Variants in FIP1L1 observed in about 807,000 individuals in gnomAD.
The protein encoded by FIP1L1 is pre-mRNA 3'-end-processing factor FIP1.
In FIP1L1, 21 loss-of-function variants were observed where a neutral mutation model predicts 84.6. The observed-to-expected ratio is 0.25, with a 90% CI of 0.18 to 0.36. The LOEUF is 0.36. Among genes scored for constraint, FIP1L1 ranks in the 10% least tolerant of loss-of-function variants. The pLI is 1.00. For missense variants in FIP1L1, 526 were observed against 751.1 expected, an observed-to-expected ratio of 0.70 and a Z score of 3.50; for synonymous variants, 263 against 242.3, an observed-to-expected ratio of 1.09 and a Z score of -0.80.
At chr4:53,387,520 T>C (rs1339925348) in intron 5 of FIP1L1, among the ~76,000 whole-genome samples, 1 of 152,208 alleles carries the variant, frequency 6.6e-6, no homozygotes, top group African/African-American at 2.4e-5. Flanking sequence ...TGAGACTTCA[T>C]AGGGATCTAT....
intron 9 of FIP1L1, among the ~76,000 whole-genome samples, chr4:53,398,376 T>C (rs10025091): frequency 0.12 from 18,335 of 152,172 alleles, 2,142 homozygotes; most frequent in African/African-American, 0.28. Flanking sequence ...AGAGTATCAA[T>C]TAGAGATTGG....
chr4:53,452,319 CTT>C (rs899425061), intron 15 of FIP1L1, among the ~76,000 whole-genome samples: 1 of 146,744 alleles, frequency 6.8e-6, no homozygotes, highest in Non-Finnish European at 1.5e-5. Context: ...TTTCTCAACA[CTT>C]TTTTTTTTTC....
intron 9 of FIP1L1, among the ~76,000 whole-genome samples, chr4:53,399,123 A>G (rs1329850605): frequency 6.6e-6 from 1 of 152,252 alleles, no homozygotes; most frequent in Non-Finnish European, 1.5e-5. Context: ...ACTGTACTCC[A>G]GCCTGGGTGA....
At chr4:53,399,368 C>T (rs1448425231) in intron 9 of FIP1L1, among the ~76,000 whole-genome samples, 3 of 152,164 alleles carry the variant, frequency 2.0e-5, no homozygotes, top group Non-Finnish European at 2.9e-5. Context: ...GAACACAGAA[C>T]GGGAAAATTC....
intron 11 of FIP1L1, among the ~76,000 whole-genome samples, chr4:53,419,019 G>A (rs984365139): frequency 6.6e-6 from 1 of 152,114 alleles, no homozygotes; most frequent in African/African-American, 2.4e-5. Flanking sequence ...ACATATGAAG[G>A]CCTTTGGGGT....
rs531488760 is a variant in FIP1L1, at chr4:53,381,753, C to CTTTTTTTTTTTTTTTTTTTTTT, written c.171-522_171-501dup. ...AATAAACTGTGAAGGCATTTGCATTCTTTTTTTTTTTTTTTTTTTTTTTTG... is the reference window on the plus strand; with the variant it reads ...AATAAACTGTGAAGGCATTTGCATTCTTTTTTTTTTTTTTTTTTTTTTTTTTTTTTTTTTTTTTTTTTTTTTG... On this transcript the variant is annotated intron_variant, in intron 3 of 17. Coordinates refer to ENST00000337488, the MANE Select transcript of FIP1L1 (RefSeq NM_030917.4). 1.5e-3 allele frequency among the ~76,000 whole-genome samples: 135 copies of CTTTTTTTTTTTTTTTTTTTTTT among 87,926 alleles called. 26 individuals are homozygous for CTTTTTTTTTTTTTTTTTTTTTT. The highest frequency in any genetic ancestry group is 2.9e-3 in the East Asian group (7 of 2,406). The allele number at this position is 87,926 out of a possible 152,430, so 57.7% of individuals were successfully genotyped here. A position where few individuals can be genotyped will look rare whatever the true frequency, so the allele number is the denominator to read the frequency against.
At chr4:53,438,169 C>T (rs1017954656) in intron 13 of FIP1L1, among the ~76,000 whole-genome samples, 1 of 152,074 alleles carries the variant, frequency 6.6e-6, no homozygotes, top group East Asian at 1.9e-4. Context: ...TTTTTAAACT[C>T]ATTTTTCAGA....
chr4:53,442,393 G>A (rs1772323729), intron 13 of FIP1L1: 3 of 368,546 alleles, frequency 8.1e-6, no homozygotes, highest in Admixed American at 8.6e-5. Flanking sequence ...AAAATGGGCT[G>A]TGTGTGGTGC....
intron 9 of FIP1L1, among the ~76,000 whole-genome samples, chr4:53,395,459 A>G (rs1316578942): frequency 6.6e-6 from 1 of 152,170 alleles, no homozygotes. Flanking sequence ...TGACTGTGCC[A>G]GGAAGTACCT....
At chr4:53,402,095 T>A (rs1014348668) in intron 10 of FIP1L1, among the ~76,000 whole-genome samples, 1 of 152,166 alleles carries the variant, frequency 6.6e-6, no homozygotes, top group African/African-American at 2.4e-5. Context: ...TTGAAAATGA[T>A]GTGTTTCAAG....
At position 53,460,292 on chromosome 4, in the gene FIP1L1, A is replaced by ATAAT. The variant is rs752949713; in HGVS notation, c.*849_*852dup. The ATAAT allele has an allele frequency of 6.8e-5, 13 of 190,460 alleles. No individual in the cohort carries two copies. Among genetic ancestry groups the ATAAT allele is most frequent in the South Asian group, 1.9e-4 (1 of 5,144 alleles). The allele number at this position is 190,460 out of a possible 1,614,324, so 11.8% of individuals were successfully genotyped here. On this transcript the variant is annotated 3_prime_UTR_variant, in exon 18 of 18. Transcript: ENST00000337488. Reference sequence around the variant, plus strand: ...TTCTTACTAAAAACAAAACAAGTTTATAATTAATTCTCTGAGCGAGCATTT... The same window carrying ATAAT: ...TTCTTACTAAAAACAAAACAAGTTTATAATTAATTAATTCTCTGAGCGAGCATTT...
intron 11 of FIP1L1, among the ~76,000 whole-genome samples, chr4:53,422,724 T>TATA (rs1560544499): frequency 6.7e-6 from 1 of 150,314 alleles, no homozygotes; most frequent in Non-Finnish European, 1.5e-5. Flanking sequence ...ATATATATAT[T>TATA]TTTTTTTTGA....
chr4:53,454,850 G>A (rs544061187), intron 16 of FIP1L1, among the ~76,000 whole-genome samples: 3 of 152,248 alleles, frequency 2.0e-5, no homozygotes, highest in South Asian at 4.2e-4. Flanking sequence ...AGTCTTGATG[G>A]CATCTTCTTC....
chr4:53,382,403 A>G, intron 4 of FIP1L1, 68 bp downstream of exon 4: 1 of 1,319,440 alleles, frequency 7.6e-7, no homozygotes, highest in Non-Finnish European at 1.1e-6. Flanking sequence ...GTTTACATAG[A>G]AAGCAAGCTG....
At chr4:53,452,704 C>T (rs184857589) in intron 15 of FIP1L1, among the ~76,000 whole-genome samples, 1 of 152,124 alleles carries the variant, frequency 6.6e-6, no homozygotes, top group Non-Finnish European at 1.5e-5. Context: ...AATTCTGATT[C>T]CTGTTCACCT....
At chr4:53,445,787 C>T (rs754762532) in intron 15 of FIP1L1, among the ~76,000 whole-genome samples, 19 of 152,186 alleles carry the variant, frequency 1.2e-4, no homozygotes, top group Non-Finnish European at 2.6e-4. Context: ...AAACTTACAT[C>T]GTGCTTTTAG....
intron 15 of FIP1L1, among the ~76,000 whole-genome samples, chr4:53,447,235 T>C (rs891373592): frequency 2.0e-5 from 3 of 152,118 alleles, no homozygotes; most frequent in Non-Finnish European, 4.4e-5. Flanking sequence ...ATATGATAGA[T>C]ATGTATTTTG....
At chr4:53,379,441 A>C in intron 3 of FIP1L1, among the ~76,000 whole-genome samples, 177 bp downstream of exon 3, 1 of 152,222 alleles carries the variant, frequency 6.6e-6, no homozygotes, top group Non-Finnish European at 1.5e-5. Flanking sequence ...ATCTTACGCC[A>C]ATTCTATTTG....
chr4:53,416,187 A>G (rs935731611), intron 11 of FIP1L1, among the ~76,000 whole-genome samples: 3 of 152,236 alleles, frequency 2.0e-5, no homozygotes, highest in African/African-American at 4.8e-5. Context: ...AACTAACTCA[A>G]TTATTGCATA....
Sources: gnomAD v4.1 joint callset for allele counts (sites outside exome capture counted in the v4.1 genomes callset) on GRCh38, gnomAD v4.1.1 for gene constraint, MANE v1.5 for transcripts, NCBI Gene and HGNC (gene_info 2026-07-23, HGNC 2026-07-21) for gene names.